The following SMIM23 variants were observed in gnomAD, a reference collection of about 807,000 sequenced individuals.
SMIM23 encodes the protein small integral membrane protein 23, also known as CTB-78H18.1.
SMIM23 carries 10 observed loss-of-function variants against 12.8 expected under a neutral mutation model. The observed-to-expected ratio is 0.78, with a 90% CI of 0.48 to 1.32. The LOEUF is 1.32. SMIM23 is among the 40% of genes most tolerant of loss of function. The pLI, the probability that SMIM23 is intolerant of heterozygous loss-of-function variation, is 0.00. For missense variants in SMIM23, 184 were observed against 198.2 expected (o/e 0.93, Z 0.43); for synonymous variants, 78 against 80.1 (o/e 0.97, Z 0.14).
chr5:171,789,497 A>G (rs930431532), intron 1 of SMIM23, among the ~76,000 whole-genome samples: 15 of 152,240 alleles, frequency 9.9e-5, no homozygotes, highest in African/African-American at 3.6e-4. Context: ...TTTATTCATA[A>G]TAGCCCCAAA....
intron 1 of SMIM23, among the ~76,000 whole-genome samples, chr5:171,786,458 T>C (rs1282517890): frequency 1.3e-5 from 2 of 152,110 alleles, no homozygotes; most frequent in Non-Finnish European, 2.9e-5. Context: ...TCACAGAGGG[T>C]AATCTGAGGC....
upstream of SMIM23, among the ~76,000 whole-genome samples, chr5:171,779,083 A>G (rs932006965): frequency 5.3e-5 from 8 of 152,246 alleles, no homozygotes; most frequent in Non-Finnish European, 8.8e-5. Flanking sequence ...TGAGCACAGC[A>G]GACACACAAT....
At chr5:171,777,948 G>C (rs539748440), upstream of SMIM23, among the ~76,000 whole-genome samples, 1 of 152,306 alleles carries the variant, frequency 6.6e-6, no homozygotes, top group South Asian at 2.1e-4. Flanking sequence ...CAAAGACACA[G>C]TAGTGGGCTG....
chr5:171,774,619 C>T, the SMIM23 span: 1 of 455,086 alleles, frequency 2.2e-6, no homozygotes, highest in Non-Finnish European at 4.4e-6. Context: ...CCACCCCACC[C>T]TCCAATTCCT....
At chr5:171,788,248 T>C (rs1365250599) in intron 1 of SMIM23, among the ~76,000 whole-genome samples, 1 of 151,734 alleles carries the variant, frequency 6.6e-6, no homozygotes, top group African/African-American at 2.4e-5. Context: ...ATTTCCACAT[T>C]AGCAGAAAAA....
At chr5:171,779,663 A>G (rs1755693588), upstream of SMIM23, among the ~76,000 whole-genome samples, 1 of 152,204 alleles carries the variant, frequency 6.6e-6, no homozygotes, top group Non-Finnish European at 1.5e-5. Context: ...TTTTCTGGAT[A>G]GACTTTTCAT....
chr5:171,781,257 T>C (rs1251342900), upstream of SMIM23, among the ~76,000 whole-genome samples: 1 of 152,220 alleles, frequency 6.6e-6, no homozygotes, highest in Non-Finnish European at 1.5e-5. Flanking sequence ...CAGACATAGA[T>C]GCTGCAGTTG....
upstream of SMIM23, among the ~76,000 whole-genome samples, chr5:171,780,323 G>A (rs1452369395): frequency 6.6e-5 from 10 of 152,026 alleles, no homozygotes; most frequent in Non-Finnish European, 1.5e-4. Flanking sequence ...TCCTTTACTA[G>A]GAAGTGTGAA....
intron 1 of SMIM23, among the ~76,000 whole-genome samples, chr5:171,788,784 C>T (rs1302867797): frequency 6.6e-6 from 1 of 152,190 alleles, no homozygotes; most frequent in East Asian, 1.9e-4. Flanking sequence ...GGAGTTCTTA[C>T]CAACTCATTT....
chr5:171,778,222 T>C (rs1755670894), upstream of SMIM23, among the ~76,000 whole-genome samples: 1 of 152,010 alleles, frequency 6.6e-6, no homozygotes, highest in African/African-American at 2.4e-5. Context: ...CCAAGCATGA[T>C]GGCAAGTGCC....
intron 1 of SMIM23, among the ~76,000 whole-genome samples, chr5:171,787,699 G>GGT (rs1755843526): frequency 6.6e-6 from 1 of 152,186 alleles, no homozygotes; most frequent in Non-Finnish European, 1.5e-5. Context: ...TTTTGCATTG[G>GGT]GTGTACACAC....
intron 1 of SMIM23, among the ~76,000 whole-genome samples, chr5:171,788,660 G>T (rs1265431464): frequency 1.3e-5 from 2 of 152,134 alleles, no homozygotes; most frequent in Non-Finnish European, 2.9e-5. Flanking sequence ...GACTCAAGAA[G>T]AAATAGTCTT....
intron 1 of SMIM23, among the ~76,000 whole-genome samples, chr5:171,786,316 C>A (rs1755816591): frequency 6.6e-6 from 1 of 152,186 alleles, no homozygotes; most frequent in Admixed American, 6.5e-5. Context: ...AATTGGAGCG[C>A]TCCTGGAGGA....
At chr5:171,783,160 G>C (rs569938862), upstream of SMIM23, among the ~76,000 whole-genome samples, 17 of 152,110 alleles carry the variant, frequency 1.1e-4, no homozygotes, top group Non-Finnish European at 1.0e-4. Context: ...CAAATGAAAC[G>C]GAAGACCTAA....
At position 171,785,910 on chromosome 5, in the gene SMIM23, A is replaced by G; in HGVS notation, c.39A>G (p.Ala13=). The part of the protein sequence containing the change: ...TQQVDSRRQV[A]AEQVAAQLLE... Reference sequence around the variant, plus strand: ...AAGTGGACAGCAGAAGGCAGGTGGCAGCAGAGCAGGTGGCAGCCCAGCTGC... The same window carrying G: ...AAGTGGACAGCAGAAGGCAGGTGGCGGCAGAGCAGGTGGCAGCCCAGCTGC... The change falls in exon 1 of 4, where the codon GCA becomes GCG. Residue 13 remains alanine (A), a synonymous_variant. Transcript: ENST00000523047. The G allele has an allele frequency of 2.0e-6, 3 of 1,536,260 alleles. No homozygotes were observed. Among genetic ancestry groups the G allele is most frequent in the Non-Finnish European group, 2.6e-6 (3 of 1,146,928 alleles).
At chr5:171,781,268 T>G (rs1234657954), upstream of SMIM23, among the ~76,000 whole-genome samples, 2 of 152,242 alleles carry the variant, frequency 1.3e-5, no homozygotes, top group African/African-American at 2.4e-5. Context: ...GCTGCAGTTG[T>G]GCCAATCATG....
the SMIM23 span, among the ~76,000 whole-genome samples, chr5:171,775,218 T>C: frequency 1.3e-5 from 2 of 152,204 alleles, no homozygotes; most frequent in South Asian, 2.1e-4. Context: ...CGTGGGCCCT[T>C]GGCCACCTTC....
chr5:171,791,006 G>A lies in SMIM23; in HGVS notation c.437G>A (p.Trp146Ter). The change falls in exon 4 of 4, where the codon TGG becomes TAG. Residue 146 changes from tryptophan to a stop codon, truncating the protein, a stop_gained. Transcript: ENST00000523047. LOFTEE classifies it low-confidence loss of function (END_TRUNC). The part of the protein sequence containing the change: ...EHCSTYKSHL[W>*]EWAWALGREH... ...TGCTCCACATATAAAAGTCACTTGT[G>A]GGAGTGGGCCTGGGCCCTGGGGAGA... is the stretch of plus-strand genomic sequence containing the variant. 6.5e-7 allele frequency: 1 copy of A among 1,535,484 alleles called. No individual in the cohort carries two copies. The highest frequency in any genetic ancestry group is 1.2e-5 in the South Asian group (1 of 84,042).
upstream of SMIM23, among the ~76,000 whole-genome samples, chr5:171,784,528 T>C (rs959601856): frequency 3.6e-5 from 5 of 137,206 alleles, no homozygotes; most frequent in African/African-American, 1.3e-4. Flanking sequence ...ACAAATAGTG[T>C]AAACAGATAT....
Sources: gnomAD v4.1 joint callset for allele counts (sites outside exome capture counted in the v4.1 genomes callset) on GRCh38, gnomAD v4.1.1 for gene constraint, MANE v1.5 for transcripts, NCBI Gene and HGNC (gene_info 2026-07-23, HGNC 2026-07-21) for gene names.